Variants in NSUN6 observed in about 807,000 individuals in gnomAD.
NSUN6 encodes NOP2/Sun RNA methyltransferase 6.
In NSUN6, 64 loss-of-function variants were observed where a neutral mutation model predicts 58.0. The ratio of observed to expected loss-of-function variants is 1.10; its 90% CI spans 0.90 to 1.36. The LOEUF is 1.36. Ranked by LOEUF, NSUN6 falls within the 40% of genes most tolerant of loss-of-function variation. The probability of loss-of-function intolerance (pLI) is 0.00; values close to 1 mark genes in which losing one functional copy is unlikely to be tolerated. For synonymous variants in NSUN6, 231 were observed against 193.9 expected (o/e 1.19, Z -1.59); for missense variants, 701 against 550.1 (o/e 1.27, Z -2.74).
At chr10:18,604,835 G>A (rs1210159048) in intron 6 of NSUN6, among the ~76,000 whole-genome samples, 5 of 151,360 alleles carry the variant, frequency 3.3e-5, no homozygotes, top group East Asian at 2.0e-4. Flanking sequence ...GCAGTGAGCC[G>A]AGATCGTGAC....
At chr10:18,598,373 T>A (rs1294665035) in intron 6 of NSUN6, among the ~76,000 whole-genome samples, 1 of 152,252 alleles carries the variant, frequency 6.6e-6, no homozygotes, top group Admixed American at 6.5e-5. Context: ...GGTGGTCTCT[T>A]CACATGGACA....
intron 3 of NSUN6, among the ~76,000 whole-genome samples, chr10:18,621,143 C>G (rs1044838487): frequency 2.0e-5 from 3 of 152,218 alleles, no homozygotes; most frequent in Non-Finnish European, 2.9e-5. Flanking sequence ...AGCTTTCCTT[C>G]TGAGAATCCA....
intron 3 of NSUN6, among the ~76,000 whole-genome samples, chr10:18,624,056 A>C (rs1285120533): frequency 1.3e-5 from 2 of 152,188 alleles, no homozygotes; most frequent in Non-Finnish European, 2.9e-5. Flanking sequence ...AAAAAGCAGA[A>C]GGTAGATTTT....
At chr10:18,651,800 G>T, upstream of NSUN6, 1 of 985,452 alleles carries the variant, frequency 1.0e-6, no homozygotes, top group Non-Finnish European at 1.2e-6. Context: ...CAGACCCCGC[G>T]GGCGGGATGG....
intron 3 of NSUN6, among the ~76,000 whole-genome samples, chr10:18,619,195 G>C (rs780970327): frequency 1.5e-4 from 23 of 152,172 alleles, no homozygotes; most frequent in Non-Finnish European, 2.4e-4. Flanking sequence ...CTCCAGAGTG[G>C]TGTCACTTAG....
At chr10:18,613,981 AT>A (rs1399834513) in intron 5 of NSUN6, among the ~76,000 whole-genome samples, 6 of 152,208 alleles carry the variant, frequency 3.9e-5, no homozygotes, top group Non-Finnish European at 5.9e-5. Flanking sequence ...CTATATTTTA[AT>A]TTAGTTTGAA....
At chr10:18,578,806 C>A (rs2056779087) in intron 8 of NSUN6, among the ~76,000 whole-genome samples, 1 of 152,108 alleles carries the variant, frequency 6.6e-6, no homozygotes, top group Non-Finnish European at 1.5e-5. Flanking sequence ...GCCCAAGCTC[C>A]GTATCAATGA....
intron 3 of NSUN6, among the ~76,000 whole-genome samples, chr10:18,634,430 C>T (rs950268964): frequency 8.5e-5 from 13 of 152,094 alleles, no homozygotes; most frequent in African/African-American, 2.9e-4. Context: ...AAGAGAGCCA[C>T]TTTGAAACAG....
chr10:18,561,740 AGAATG>A (rs2055528252), intron 8 of NSUN6, among the ~76,000 whole-genome samples: 3 of 149,974 alleles, frequency 2.0e-5, no homozygotes, highest in African/African-American at 4.9e-5. Flanking sequence ...AATATGGAAT[AGAATG>A]GAGAAAGGAA....
At chr10:18,593,557 G>C (rs2057459668) in intron 7 of NSUN6, among the ~76,000 whole-genome samples, 1 of 152,098 alleles carries the variant, frequency 6.6e-6, no homozygotes, top group South Asian at 2.1e-4. Flanking sequence ...GTCCTTTACA[G>C]GGACATGGAT....
intron 8 of NSUN6, among the ~76,000 whole-genome samples, chr10:18,584,290 T>C (rs1030095755): frequency 6.6e-6 from 1 of 152,252 alleles, no homozygotes; most frequent in Non-Finnish European, 1.5e-5. Flanking sequence ...CCTCGTTCAC[T>C]TCCCCCCTTA....
intron 2 of NSUN6, among the ~76,000 whole-genome samples, chr10:18,643,887 T>C (rs1241746163): frequency 6.6e-6 from 1 of 152,230 alleles, no homozygotes; most frequent in Admixed American, 6.5e-5. Context: ...ATTAGAAGCA[T>C]GTTAATATAT....
chr10:18,652,348 T>C (rs2059724124), upstream of NSUN6: 10 of 983,284 alleles, frequency 1.0e-5, no homozygotes, highest in African/African-American at 1.7e-5. Flanking sequence ...CCTTGACATA[T>C]GTTTTTTGCA....
chr10:18,583,291 G>A (rs2056986083), intron 8 of NSUN6, among the ~76,000 whole-genome samples: 1 of 151,968 alleles, frequency 6.6e-6, no homozygotes, highest in Non-Finnish European at 1.5e-5. Context: ...ACTCCTATAA[G>A]GCAACCCCTT....
chr10:18,622,629 G>C (rs1434762087), intron 3 of NSUN6, among the ~76,000 whole-genome samples: 1 of 152,210 alleles, frequency 6.6e-6, no homozygotes, highest in Non-Finnish European at 1.5e-5. Flanking sequence ...ATAATCGCTT[G>C]AACACGGAGG....
At chr10:18,635,733 G>C (rs1038123936) in intron 3 of NSUN6, among the ~76,000 whole-genome samples, 1 of 151,702 alleles carries the variant, frequency 6.6e-6, no homozygotes. Context: ...AGCTACTCGG[G>C]AGGCTGAGGC....
At chr10:18,628,297 G>A (rs560219921) in intron 3 of NSUN6, among the ~76,000 whole-genome samples, 51 of 152,216 alleles carry the variant, frequency 3.4e-4, no homozygotes, top group Admixed American at 6.5e-4. Flanking sequence ...AAACCACAAA[G>A]ATGGGGAAAA....
chr10:18,659,129 C>G (rs1488811123), upstream of NSUN6: 2 of 154,908 alleles, frequency 1.3e-5, no homozygotes, highest in Admixed American at 6.5e-5. Flanking sequence ...GTCCCACAAA[C>G]GTTTTGAAGG....
intron 1 of NSUN6, among the ~76,000 whole-genome samples, chr10:18,649,854 T>A (rs1272347467): frequency 6.6e-6 from 1 of 152,164 alleles, no homozygotes; most frequent in East Asian, 1.9e-4. Context: ...GCCTTATATT[T>A]TAAGTCCCTT....
Sources: allele counts gnomAD v4.1 joint callset (sites outside exome capture counted in the v4.1 genomes callset), GRCh38; gene constraint gnomAD v4.1.1; transcripts MANE v1.5; gene names NCBI Gene and HGNC (gene_info 2026-07-23, HGNC 2026-07-21).